COL19A1: variants seen among roughly 807,000 people sequenced by gnomAD.
The protein encoded by COL19A1 is collagen alpha-1(XIX) chain.
Under a neutral mutation model 190.2 loss-of-function variants are expected in COL19A1, and 159 were observed. That is an observed-to-expected ratio of 0.84 (90% confidence interval 0.73 to 0.95). COL19A1 has a LOEUF of 0.95. Among genes scored for constraint, COL19A1 ranks in the 40% least tolerant of loss-of-function variants. The pLI is 0.00. For synonymous variants in COL19A1, 509 were observed against 458.9 expected (o/e 1.11, Z -1.39); for missense variants, 1,418 against 1,431.9 (o/e 0.99, Z 0.16).
At chr6:70,166,020 GT>G (rs1317947013) in intron 37 of COL19A1, 35 bp downstream of exon 37, 3 of 1,586,604 alleles carry the variant, frequency 1.9e-6, no homozygotes, top group Non-Finnish European at 8.7e-7. Flanking sequence ...TAAAATTCAT[GT>G]GTTTACTTAA....
At chr6:69,965,927 T>C (rs1004701399) in intron 11 of COL19A1, among the ~76,000 whole-genome samples, 2 of 152,160 alleles carry the variant, frequency 1.3e-5, no homozygotes, top group Admixed American at 6.5e-5. Flanking sequence ...TCTCTCTCTA[T>C]ATAGGAGTAG....
rs2296006 is a variant in COL19A1, at chr6:70,185,002, C to A, written c.2856+87C>A. On this transcript the variant is annotated intron_variant, in intron 46 of 50. Coordinates refer to ENST00000620364, the MANE Select transcript of COL19A1 (RefSeq NM_001858.6). Reference sequence around the variant, plus strand: ...GAGTTACACAATTATGTGTGTAGACCCCTGCAAATCACCAAATCTATAAAG... The same window carrying A: ...GAGTTACACAATTATGTGTGTAGACACCTGCAAATCACCAAATCTATAAAG... The A allele has an allele frequency of 0.25, 316,023 of 1,256,250 alleles. 41,105 individuals are homozygous for A. The highest frequency in any genetic ancestry group is 0.27 in the South Asian group (18,469 of 68,214). 77.8% of individuals were successfully genotyped at this position (1,256,250 alleles called of 1,614,324 possible). A position where few individuals can be genotyped will look rare whatever the true frequency, so the allele number is the denominator to read the frequency against.
At chr6:70,000,031 A>C (rs577003331) in intron 11 of COL19A1, among the ~76,000 whole-genome samples, 1 of 151,872 alleles carries the variant, frequency 6.6e-6, no homozygotes, top group Non-Finnish European at 1.5e-5. Flanking sequence ...ATCCCTCAAC[A>C]GCCCCTGGCC....
intron 14 of COL19A1, 111 bp from the exon 15 acceptor site, chr6:70,068,312 A>G (rs1298257205): frequency 1.3e-6 from 1 of 764,334 alleles, no homozygotes; most frequent in African/African-American, 1.7e-5. Flanking sequence ...AGCTCAAATT[A>G]CTTTAAAAGT....
chr6:70,049,739 G>A (rs1030541875), intron 14 of COL19A1, among the ~76,000 whole-genome samples: 9 of 151,858 alleles, frequency 5.9e-5, no homozygotes, highest in Admixed American at 5.3e-4. Context: ...GAAATACTCA[G>A]CAATCTAGAA....
At chr6:69,888,312 C>T (rs960641414) in intron 2 of COL19A1, among the ~76,000 whole-genome samples, 5 of 152,014 alleles carry the variant, frequency 3.3e-5, no homozygotes, top group African/African-American at 1.2e-4. Context: ...AAACACCCAA[C>T]TAGCAAAAAA....
At chr6:70,168,907 TG>T (rs2150269767) in intron 40 of COL19A1, among the ~76,000 whole-genome samples, 1 of 152,312 alleles carries the variant, frequency 6.6e-6, no homozygotes, top group South Asian at 2.1e-4. Context: ...TCCGTCAGTG[TG>T]TTTTTAAAAT....
At chr6:70,157,714 A>T (rs1364426201) in intron 34 of COL19A1, among the ~76,000 whole-genome samples, 1 of 152,124 alleles carries the variant, frequency 6.6e-6, no homozygotes, top group Non-Finnish European at 1.5e-5. Context: ...AAAATAAGTT[A>T]TTGTGCTTTT....
intron 15 of COL19A1, among the ~76,000 whole-genome samples, chr6:70,075,051 A>G (rs1781803485): frequency 6.6e-6 from 1 of 152,202 alleles, no homozygotes; most frequent in African/African-American, 2.4e-5. Flanking sequence ...GTTCATGCTT[A>G]TTACTTGTTA....
At chr6:70,066,476 A>G (rs914540402) in intron 14 of COL19A1, among the ~76,000 whole-genome samples, 2 of 152,138 alleles carry the variant, frequency 1.3e-5, no homozygotes, top group Non-Finnish European at 2.9e-5. Flanking sequence ...GAGGGATAGC[A>G]TTGGGAGATA....
intron 1 of COL19A1, among the ~76,000 whole-genome samples, chr6:69,867,964 C>CAATT (rs924966922): frequency 4.6e-5 from 7 of 151,870 alleles, no homozygotes; most frequent in Non-Finnish European, 1.0e-4. Flanking sequence ...CCTCAATCCC[C>CAATT]AATTCCAAGA....
At chr6:70,122,026 ACTTCTC>A (rs1294099488) in intron 17 of COL19A1, 84 bp downstream of exon 17, 2 of 816,140 alleles carry the variant, frequency 2.5e-6, no homozygotes, top group Admixed American at 2.6e-5. Context: ...TTAATTCCTA[ACTTCTC>A]AGACTTTTAT....
intron 2 of COL19A1, among the ~76,000 whole-genome samples, chr6:69,881,829 C>G (rs957316): frequency 0.036 from 5,428 of 152,280 alleles, 334 homozygotes; most frequent in African/African-American, 0.12. Flanking sequence ...CTTCAAGTAT[C>G]ATTTGCATTA....
chr6:70,133,144 G>A (rs1334469559), intron 18 of COL19A1, among the ~76,000 whole-genome samples: 1 of 152,164 alleles, frequency 6.6e-6, no homozygotes, highest in East Asian at 1.9e-4. Context: ...TGACAAAGAA[G>A]GGACTCAGTT....
At chr6:70,160,884 C>T (rs1433905205) in intron 34 of COL19A1, among the ~76,000 whole-genome samples, 3 of 152,138 alleles carry the variant, frequency 2.0e-5, no homozygotes, top group Non-Finnish European at 4.4e-5. Context: ...TTTATTTTTA[C>T]ATGTTTTCTA....
intron 14 of COL19A1, among the ~76,000 whole-genome samples, chr6:70,062,761 G>A (rs962277985): frequency 3.9e-5 from 6 of 152,082 alleles, no homozygotes; most frequent in Non-Finnish European, 8.8e-5. Context: ...ACACACATAG[G>A]CTCAAAATAA....
intron 14 of COL19A1, among the ~76,000 whole-genome samples, chr6:70,052,761 A>G (rs1297744222): frequency 6.6e-6 from 1 of 152,192 alleles, no homozygotes; most frequent in Non-Finnish European, 1.5e-5. Context: ...ACATTCAAAT[A>G]TATCTTATTT....
chr6:70,110,132 G>A (rs1379816322), intron 16 of COL19A1, among the ~76,000 whole-genome samples: 1 of 152,174 alleles, frequency 6.6e-6, no homozygotes, highest in East Asian at 1.9e-4. Context: ...GAATAAAGCA[G>A]ATGACAAAAA....
rs1230255910 is a variant in COL19A1 at position 70,187,932 on chromosome 6, G to A, written c.2857-143G>A. ...CTATTAATATGCCCACTTTGTAGGA[G>A]AGGAGGCTAGGACACAGAGAGTTTA... On this transcript the variant is annotated intron_variant, in intron 46 of 50. Coordinates refer to ENST00000620364, the MANE Select transcript of COL19A1 (RefSeq NM_001858.6). 3.3e-6 allele frequency: 3 copies of A among 904,468 alleles called. No individual in the cohort carries two copies. The African/African-American group carries it at 5.1e-5, about 15-fold the overall frequency. The allele number at this position is 904,468 out of a possible 1,614,324, so 56.0% of individuals were successfully genotyped here.
Sources: gnomAD v4.1 joint callset for allele counts (sites outside exome capture counted in the v4.1 genomes callset) on GRCh38, gnomAD v4.1.1 for gene constraint, MANE v1.5 for transcripts, NCBI Gene and HGNC (gene_info 2026-07-23, HGNC 2026-07-21) for gene names.